Variants in RBMS1 observed in about 807,000 individuals in gnomAD.
RBMS1 encodes the protein RNA binding motif single stranded interacting protein 1, also known as RNA-binding motif, single-stranded-interacting protein 1.
In RBMS1, 17 loss-of-function variants were observed where a neutral mutation model predicts 62.3. The ratio of observed to expected loss-of-function variants is 0.27; its 90% CI spans 0.19 to 0.41. The LOEUF (loss-of-function observed/expected upper bound fraction) is 0.41. RBMS1 is among the 10% of genes least tolerant of loss of function. The pLI, the probability that RBMS1 is intolerant of heterozygous loss-of-function variation, is 1.00. For missense variants in RBMS1, 334 were observed against 504.5 expected (o/e 0.66, Z 3.24); for synonymous variants, 172 against 170.0 (o/e 1.01, Z -0.09).
At chr2:160,413,011 A>G (rs148711219) in intron 1 of RBMS1, among the ~76,000 whole-genome samples, 88 of 152,340 alleles carry the variant, frequency 5.8e-4, no homozygotes, top group African/African-American at 2.1e-3. Context: ...TAAGCTTTGA[A>G]AGAAGGAAAA....
At chr2:160,400,338 A>T (rs1320426038) in intron 1 of RBMS1, among the ~76,000 whole-genome samples, 1 of 135,908 alleles carries the variant, frequency 7.4e-6, no homozygotes, top group Non-Finnish European at 1.6e-5. Flanking sequence ...AACGAAAGAA[A>T]CAAAATGAAA....
chr2:160,307,034 C>G (rs189031690), intron 4 of RBMS1, among the ~76,000 whole-genome samples: 1 of 152,194 alleles, frequency 6.6e-6, no homozygotes, highest in East Asian at 1.9e-4. Flanking sequence ...AAAACTAGAT[C>G]TCACATTGGC....
At chr2:160,275,837 C>T (rs563318007) in intron 12 of RBMS1, 123 bp from the exon 13 acceptor site, 27 of 1,362,564 alleles carry the variant, frequency 2.0e-5, no homozygotes, top group African/African-American at 1.2e-4. Context: ...AATTTCTTCA[C>T]GTCATGTAGA....
chr2:160,309,857 A>G (rs922402652), intron 4 of RBMS1, among the ~76,000 whole-genome samples: 1 of 152,168 alleles, frequency 6.6e-6, no homozygotes, highest in Non-Finnish European at 1.5e-5. Context: ...TAGGAAAGAA[A>G]TGAATCATTT....
At chr2:160,284,220 G>A (rs28716827) in intron 9 of RBMS1, 6,299 of 153,718 alleles carry the variant, frequency 0.041, 199 homozygotes, top group Middle Eastern at 0.071. Flanking sequence ...AGTTTTTGTT[G>A]CTAAGTTGGG....
At chr2:160,318,408 A>C (rs1364294365) in intron 2 of RBMS1, among the ~76,000 whole-genome samples, 181 bp from the exon 3 acceptor site, 1 of 152,172 alleles carries the variant, frequency 6.6e-6, no homozygotes, top group Non-Finnish European at 1.5e-5. Context: ...TCAAAACTGA[A>C]AAAAAGGGAA....
intron 1 of RBMS1, among the ~76,000 whole-genome samples, chr2:160,408,043 C>G (rs1695858391): frequency 6.7e-6 from 1 of 148,576 alleles, no homozygotes; most frequent in Admixed American, 6.7e-5. Flanking sequence ...CTCTCCCTCC[C>G]GGGATCGGGG....
Position 160,278,568 on chromosome 2 carries a change from A to G in RBMS1, c.1042T>C (p.Ser348Pro), listed in dbSNP as rs1443146214. The change falls in exon 11 of 14, where the codon TCA becomes CCA. Residue 348 changes from serine to proline, a missense_variant. This residue lies in a region of RBMS1 where 182 missense variants were observed against 257.7 expected (regional missense o/e 0.71). Transcript: ENST00000348849. The part of the protein sequence containing the change: ...SPLAQQMSHL[S>P]LGSTGTYMPA... ...CCTACTGTTCCGGTGCTGCCTAGTG[A>G]CAGATGACTCATCTGCTGGGCCAGA... is the stretch of plus-strand genomic sequence containing the variant. 1 of 1,612,856 alleles carries G rather than the reference A, an allele frequency of 6.2e-7. No homozygotes were observed. The highest frequency in any genetic ancestry group is 1.7e-5 in the Admixed American group (1 of 59,910).
chr2:160,407,913 C>T (rs1160524465), intron 1 of RBMS1: 38 of 980,612 alleles, frequency 3.9e-5, no homozygotes, highest in Non-Finnish European at 4.6e-5. Flanking sequence ...TGAGAGCGCG[C>T]CGGCCGGGGG....
At chr2:160,324,351 C>T (rs138161953) in intron 2 of RBMS1, among the ~76,000 whole-genome samples, 103 of 152,212 alleles carry the variant, frequency 6.8e-4, no homozygotes, top group Non-Finnish European at 1.2e-3. Context: ...TGGAGAGTGG[C>T]GTCCACTCCA....
intron 1 of RBMS1, among the ~76,000 whole-genome samples, chr2:160,410,208 T>C (rs143640944): frequency 0.031 from 3,260 of 104,276 alleles, 124 homozygotes; most frequent in African/African-American, 0.11. Context: ...GGTGACAGAG[T>C]GAGACCCCGT....
chr2:160,315,970 A>C (rs528271608), intron 3 of RBMS1, among the ~76,000 whole-genome samples: 1 of 152,198 alleles, frequency 6.6e-6, no homozygotes, highest in South Asian at 2.1e-4. Flanking sequence ...ACCCTCTAAG[A>C]TCTCTCATTC....
At position 160,493,384 on chromosome 2, in the gene RBMS1, C is replaced by T. The variant is rs202122955; in HGVS notation, c.-21G>A. The T allele has an allele frequency of 2.1e-5, 34 of 1,610,450 alleles. 1 individual carries two copies. In the Admixed American group the frequency reaches 4.2e-4, roughly 20 times the overall value. ...CCCATGAAGCTGGAAGGGAGCCTGCCGTGCAGGGTCGCGGACACTTTGGGG... is the reference window on the plus strand; with the variant it reads ...CCCATGAAGCTGGAAGGGAGCCTGCTGTGCAGGGTCGCGGACACTTTGGGG... On this transcript the variant is annotated 5_prime_UTR_variant, in exon 1 of 14. Transcript: ENST00000348849.
intron 2 of RBMS1, among the ~76,000 whole-genome samples, chr2:160,326,284 A>G (rs4386280): frequency 0.57 from 86,110 of 152,082 alleles, 24,855 homozygotes; most frequent in Admixed American, 0.66. Flanking sequence ...AAAATACAGC[A>G]GATGCCACAC....
chr2:160,471,549 T>C lies in RBMS1; in HGVS notation c.75+21740A>G, dbSNP rs1016447166. On this transcript the variant is annotated intron_variant, in intron 1 of 13. Coordinates refer to ENST00000348849, the MANE Select transcript of RBMS1 (RefSeq NM_016836.4). ...GGGAGAGAGAAGCATATTACAAATATGTGTGAATCACAATGCTGGGTTGTT... is the reference window on the plus strand; with the variant it reads ...GGGAGAGAGAAGCATATTACAAATACGTGTGAATCACAATGCTGGGTTGTT... 9.9e-5 allele frequency among the ~76,000 whole-genome samples: 15 copies of C among 151,402 alleles called. No homozygotes were observed. In the East Asian group the frequency reaches 2.1e-3, roughly 21 times the overall value.
intron 1 of RBMS1, among the ~76,000 whole-genome samples, chr2:160,451,931 A>G (rs924964391): frequency 6.6e-5 from 10 of 152,156 alleles, no homozygotes; most frequent in African/African-American, 2.4e-4. Flanking sequence ...ATCTTAAAAA[A>G]TCATCCTTTT....
chr2:160,447,316 G>A (rs1208156568), intron 1 of RBMS1, among the ~76,000 whole-genome samples: 1 of 152,094 alleles, frequency 6.6e-6, no homozygotes, highest in Non-Finnish European at 1.5e-5. Context: ...TGTTCCTTCT[G>A]CCCACATTCC....
At chr2:160,282,141 GT>G in intron 9 of RBMS1, 1 of 962,728 alleles carries the variant, frequency 1.0e-6, no homozygotes, top group Non-Finnish European at 1.5e-6. Flanking sequence ...TTAAGTTTCA[GT>G]TTCCAATTCT....
At chr2:160,314,329 G>C (rs1260750105) in intron 3 of RBMS1, among the ~76,000 whole-genome samples, 1 of 152,100 alleles carries the variant, frequency 6.6e-6, no homozygotes, top group Non-Finnish European at 1.5e-5. Flanking sequence ...CAAAATACCA[G>C]AGCCTTCCAT....
Sources: gnomAD v4.1 joint callset for allele counts (sites outside exome capture counted in the v4.1 genomes callset) on GRCh38, gnomAD v4.1.1 for gene constraint, gnomAD v4.1.1 regional missense constraint, MANE v1.5 for transcripts, NCBI Gene and HGNC (gene_info 2026-07-23, HGNC 2026-07-21) for gene names.